LRGUK: variants seen among roughly 807,000 people sequenced by gnomAD.
LRGUK encodes the protein leucine-rich repeat and guanylate kinase domain-containing protein.
A neutral mutation model predicts 76.0 loss-of-function variants in LRGUK; 65 were observed. The observed-to-expected ratio is 0.85, with a 90% confidence interval of 0.70 to 1.05. LRGUK has a LOEUF of 1.05. Among genes scored for constraint, LRGUK ranks in the 50% least tolerant of loss-of-function variants. LRGUK has a pLI of 0.00. For synonymous variants in LRGUK, 268 were observed against 265.6 expected (o/e 1.01, Z -0.09); for missense variants, 758 against 732.8 (o/e 1.03, Z -0.40).
intron 3 of LRGUK, among the ~76,000 whole-genome samples, chr7:134,142,699 T>G (rs1299314412): frequency 2.0e-5 from 3 of 152,242 alleles, no homozygotes; most frequent in Non-Finnish European, 4.4e-5. Flanking sequence ...TCTAAGGCTT[T>G]TGCTTTTCAT....
At chr7:134,223,356 C>T (rs975972906) in intron 16 of LRGUK, among the ~76,000 whole-genome samples, 4 of 152,226 alleles carry the variant, frequency 2.6e-5, no homozygotes, top group Admixed American at 6.5e-5. Flanking sequence ...GTCATATTAG[C>T]CTGCCTGTGT....
At chr7:134,163,031 G>T (rs914720197) in intron 6 of LRGUK, among the ~76,000 whole-genome samples, 1 of 152,124 alleles carries the variant, frequency 6.6e-6, no homozygotes, top group African/African-American at 2.4e-5. Flanking sequence ...TGATGAAAGA[G>T]TTACATTAAA....
At chr7:134,267,992 A>G (rs1168779114), downstream of LRGUK, among the ~76,000 whole-genome samples, 1 of 152,196 alleles carries the variant, frequency 6.6e-6, no homozygotes, top group Non-Finnish European at 1.5e-5. Flanking sequence ...GTATGCATCT[A>G]AAACAGTGCC....
intron 1 of LRGUK, among the ~76,000 whole-genome samples, chr7:134,132,620 G>T (rs1214746303): frequency 1.3e-5 from 2 of 152,190 alleles, no homozygotes; most frequent in Non-Finnish European, 2.9e-5. Context: ...ATAGCTAAAG[G>T]AACCTGCAGG....
intron 14 of LRGUK, among the ~76,000 whole-genome samples, chr7:134,200,316 C>T (rs535586713): frequency 7.9e-5 from 12 of 151,894 alleles, no homozygotes; most frequent in Middle Eastern, 3.4e-3. Flanking sequence ...GGATTACAGG[C>T]GTGAGCCACC....
chr7:134,254,392 C>T (rs777603235), intron 18 of LRGUK, among the ~76,000 whole-genome samples: 8 of 152,118 alleles, frequency 5.3e-5, no homozygotes, highest in Admixed American at 2.6e-4. Flanking sequence ...CCATAGACTG[C>T]GTAGCTGATA....
chr7:134,213,853 T>G (rs1345964869), downstream of LRGUK, among the ~76,000 whole-genome samples: 1 of 152,220 alleles, frequency 6.6e-6, no homozygotes, highest in African/African-American at 2.4e-5. Context: ...AATAACAATG[T>G]TTAAAAATTG....
chr7:134,135,916 A>G (rs1192593277), intron 1 of LRGUK, among the ~76,000 whole-genome samples: 2 of 152,178 alleles, frequency 1.3e-5, no homozygotes, highest in African/African-American at 2.4e-5. Flanking sequence ...TTGGCCTCCC[A>G]AAGTGCTGGG....
intron 16 of LRGUK, among the ~76,000 whole-genome samples, chr7:134,231,779 C>T (rs954024975): frequency 2.2e-5 from 3 of 137,446 alleles, no homozygotes; most frequent in Non-Finnish European, 4.5e-5. Flanking sequence ...TTCCTCCGTC[C>T]GTCCCTCCCT....
chr7:134,197,018 T>C lies in LRGUK; in HGVS notation c.1458T>C (p.Tyr486=), dbSNP rs749525964. The change falls in exon 13 of 16, where the codon TAT becomes TAC. Residue 486 remains tyrosine (Y), a synonymous_variant. Coordinates refer to ENST00000645682, the Ensembl canonical transcript of LRGUK. The stretch of plus-strand genomic sequence containing the variant: ...GGAAATTCATTCTAACATTTAGTTA[T>C]GGTAATCACAAGTATGGATTAAATA... 1.0e-5 allele frequency: 16 copies of C among 1,603,612 alleles called. 1 individual carries two copies. In the South Asian group the frequency reaches 1.6e-4, roughly 16 times the overall value.
intron 18 of LRGUK, among the ~76,000 whole-genome samples, chr7:134,250,270 T>C (rs1802412445): frequency 6.6e-6 from 1 of 152,206 alleles, no homozygotes; most frequent in African/African-American, 2.4e-5. Flanking sequence ...TTTATTTCTG[T>C]ATCCTAAAAA....
chr7:134,137,532 TTTCCC>T (rs1797586862), intron 2 of LRGUK, among the ~76,000 whole-genome samples: 7 of 152,194 alleles, frequency 4.6e-5, no homozygotes, highest in Admixed American at 3.9e-4. Context: ...TGATATTGAC[TTTCCC>T]CACTAAGTAT....
intron 1 of LRGUK, among the ~76,000 whole-genome samples, chr7:134,128,470 C>T (rs1244708683): frequency 6.6e-6 from 1 of 152,258 alleles, no homozygotes; most frequent in Non-Finnish European, 1.5e-5. Flanking sequence ...TCCTTTTCCA[C>T]TTCTCATCAC....
chr7:134,133,771 C>T (rs1013164379), intron 1 of LRGUK, among the ~76,000 whole-genome samples: 4 of 152,024 alleles, frequency 2.6e-5, no homozygotes, highest in Non-Finnish European at 4.4e-5. Context: ...ATTGAAATTG[C>T]GTATGGGTCC....
At chr7:134,163,369 A>G (rs889495073) in intron 6 of LRGUK, 28 bp from the exon 7 acceptor site, 1 of 1,586,700 alleles carries the variant, frequency 6.3e-7, no homozygotes, top group African/African-American at 1.3e-5. Flanking sequence ...GGTCTTTGAG[A>G]CATTAAATAT....
exon 16 of LRGUK, chr7:134,210,158 C>G (rs751174355): frequency 5.0e-6 from 2 of 399,248 alleles, no homozygotes; most frequent in African/African-American, 2.1e-5. Flanking sequence ...TGGGAACCAC[C>G]AGCCAGCCTT....
intron 16 of LRGUK, among the ~76,000 whole-genome samples, chr7:134,242,648 T>C (rs1802192418): frequency 6.6e-6 from 1 of 152,190 alleles, no homozygotes; most frequent in Non-Finnish European, 1.5e-5. Context: ...GTACCATTCC[T>C]TCTGAAATTA....
At chr7:134,227,222 T>C (rs980026086) in intron 16 of LRGUK, among the ~76,000 whole-genome samples, 3 of 151,856 alleles carry the variant, frequency 2.0e-5, no homozygotes, top group Non-Finnish European at 2.9e-5. Flanking sequence ...ACTTTGAGAG[T>C]CTTGTGGAAC....
Position 134,143,558 on chromosome 7 carries a change from G to A in LRGUK, c.588+396G>A, listed in dbSNP as rs373168352. Among the ~76,000 whole-genome samples the A allele has an allele frequency of 2.0e-5, 3 of 152,184 alleles. No homozygotes were observed. The South Asian group carries it at 6.2e-4, about 32-fold the overall frequency. On this transcript the variant is annotated intron_variant, in intron 4 of 15. Coordinates refer to ENST00000645682, the Ensembl canonical transcript of LRGUK. ...TGTGTATATTTCAGATGTACAGCAT[G>A]ATGTTATGGGACATATAGCGGAATA...
Sources: allele counts gnomAD v4.1 joint callset (sites outside exome capture counted in the v4.1 genomes callset), GRCh38; gene constraint gnomAD v4.1.1; transcripts MANE v1.5; gene names NCBI Gene and HGNC (gene_info 2026-07-23, HGNC 2026-07-21).